Variants in ACOX3 observed in about 807,000 individuals in gnomAD.
The protein encoded by ACOX3 is acyl-CoA oxidase 3, pristanoyl.
Under a neutral mutation model 81.5 loss-of-function variants are expected in ACOX3, and 73 were observed. That is an observed-to-expected ratio of 0.90 (90% confidence interval 0.74 to 1.09). The LOEUF (loss-of-function observed/expected upper bound fraction) is 1.09. Among genes scored for constraint, ACOX3 ranks in the 50% least tolerant of loss-of-function variants. The probability of loss-of-function intolerance (pLI) is 0.00; values close to 1 mark genes in which losing one functional copy is unlikely to be tolerated. For missense variants in ACOX3, 947 were observed against 928.0 expected, an observed-to-expected ratio of 1.02 and a Z score of -0.27; for synonymous variants, 387 against 375.1, an observed-to-expected ratio of 1.03 and a Z score of -0.37.
Position 8,400,236 on chromosome 4 carries a change from G to C in ACOX3, c.777-584C>G, listed in dbSNP as rs1256723801. ...ACTGCACTCCAGCCTTGGTGACAGA[G>C]CAAGACTCCACCTCAATAATAATAA... On this transcript the variant is annotated intron_variant, in intron 7 of 17. Transcript: ENST00000356406. The surrounding 1 kb of genome is among the most constrained non-coding windows in gnomAD (Gnocchi z 4.4). Among the ~76,000 whole-genome samples the C allele has an allele frequency of 7.0e-6, 1 of 142,164 alleles. No individual in the cohort carries two copies. Among genetic ancestry groups the C allele is most frequent in the African/African-American group, 2.7e-5 (1 of 36,658 alleles). The allele number at this position is 142,164 out of a possible 152,430, so 93.3% of individuals were successfully genotyped here. A position where few individuals can be genotyped will look rare whatever the true frequency, so the allele number is the denominator to read the frequency against.
In ACOX3 at chr4:8,382,908, C is replaced by T. The variant is rs1190521433; in HGVS notation, c.1538-1301G>A. 4.1e-5 allele frequency among the ~76,000 whole-genome samples: 6 copies of T among 147,576 alleles called. No individual in the cohort carries two copies. Among genetic ancestry groups the T allele is most frequent in the South Asian group, 2.2e-4 (1 of 4,630 alleles). On this transcript the variant is annotated intron_variant, in intron 13 of 17. Coordinates refer to ENST00000356406, the MANE Select transcript of ACOX3 (RefSeq NM_003501.3). The surrounding 1 kb of genome is among the most constrained non-coding windows in gnomAD (Gnocchi z 4.1). The stretch of plus-strand genomic sequence containing the variant: ...TCGGGAGGCTGAGGCAGGAGAATGG[C>T]GTGAACCCGGGAGGCGGAGTTGCAG...
chr4:8,374,823 T>G, intron 15 of ACOX3, 155 bp downstream of exon 15: 1 of 802,344 alleles, frequency 1.2e-6, no homozygotes, highest in Non-Finnish European at 1.8e-6. Context: ...ATGCTTCTCA[T>G]TATGGAACTG....
chr4:8,395,940 T>C (rs1213673405), intron 9 of ACOX3, among the ~76,000 whole-genome samples: 1 of 152,246 alleles, frequency 6.6e-6, no homozygotes, highest in Non-Finnish European at 1.5e-5. Context: ...CTGTGCACTT[T>C]AACTGGATTT....
chr4:8,397,161 C>A, intron 8 of ACOX3, 42 bp from the exon 9 acceptor site: 3 of 1,497,568 alleles, frequency 2.0e-6, no homozygotes, highest in Non-Finnish European at 1.8e-6. Context: ...CCCGGCTGCG[C>A]GGCCACCTTG....
In ACOX3 at chr4:8,386,565, CAAAA is replaced by C. The variant is rs567670556; in HGVS notation, c.1537+2604_1537+2607del. ...TGGGCGACAGAGCGAGACTCCGTCT[CAAAA>C]AAAAAAAAAAAAAGAAAGTGACTTG... On this transcript the variant is annotated intron_variant, in intron 13 of 17. Coordinates refer to ENST00000356406, the MANE Select transcript of ACOX3 (RefSeq NM_003501.3). The surrounding 1 kb of genome is among the most constrained non-coding windows in gnomAD (Gnocchi z 5.2). 3.1e-5 allele frequency among the ~76,000 whole-genome samples: 2 copies of C among 64,462 alleles called. No individual in the cohort carries two copies. The highest frequency in any genetic ancestry group is 6.6e-5 in the Non-Finnish European group (2 of 30,428). 42.3% of individuals were successfully genotyped at this position (64,462 alleles called of 152,430 possible).
At position 8,396,992 on chromosome 4, in the gene ACOX3, C is replaced by T. The variant is rs148373900; in HGVS notation, c.1001G>A (p.Arg334His). Residue 334 changes from arginine (R) to histidine (H), a missense_variant, in exon 9 of 18, where the codon CGT (arginine) becomes CAT (histidine). By Grantham distance (29) the Arg-to-His change is conservative. Coordinates refer to ENST00000356406, the MANE Select transcript of ACOX3 (RefSeq NM_003501.3). ...AIALRFSATR[R>H]QFGPTEEEEI... is the part of the protein sequence containing the mutation. Reference sequence around the variant, plus strand: ...CTCCTCCTCTGTGGGTCCAAACTGACGCCGAGTGGCTGAGAAGCGAAGAGC... The same window carrying T: ...CTCCTCCTCTGTGGGTCCAAACTGATGCCGAGTGGCTGAGAAGCGAAGAGC... 168 of 1,611,786 alleles carry T rather than the reference C, an allele frequency of 1.0e-4. No individual in the cohort carries two copies. The Middle Eastern group carries it at 1.3e-3, about 13-fold the overall frequency.
chr4:8,393,569 A>ATTTAAAAAATTTTTTAAATTT lies in ACOX3; in HGVS notation c.1179+1050_1179+1051insAAATTTAAAAAATTTTTTAAA, dbSNP rs1296594892. 1.7e-5 allele frequency among the ~76,000 whole-genome samples: 2 copies of ATTTAAAAAATTTTTTAAATTT among 120,776 alleles called. 1 individual carries two copies. The highest frequency in any genetic ancestry group is 1.5e-4 in the Admixed American group (2 of 13,046). The allele number at this position is 120,776 out of a possible 152,430, so 79.2% of individuals were successfully genotyped here. A position where few individuals can be genotyped will look rare whatever the true frequency, so the allele number is the denominator to read the frequency against. ...AGAAGAATTTTTAATTTTAAAAAAG[A>ATTTAAAAAATTTTTTAAATTT]AAGACAATTAAAAAGGAAAAACAAT... On this transcript the variant is annotated intron_variant, in intron 10 of 17. Coordinates refer to ENST00000356406, the MANE Select transcript of ACOX3 (RefSeq NM_003501.3).
chr4:8,433,316 T>C (rs1182601369), intron 1 of ACOX3, among the ~76,000 whole-genome samples: 1 of 152,214 alleles, frequency 6.6e-6, no homozygotes, highest in Non-Finnish European at 1.5e-5. Flanking sequence ...GTTGCCCTTA[T>C]TAGAAGAAGA....
intron 1 of ACOX3, among the ~76,000 whole-genome samples, chr4:8,434,586 T>A (rs182920831): frequency 1.3e-5 from 2 of 152,350 alleles, no homozygotes; most frequent in Admixed American, 1.3e-4. Context: ...CCGTGGAGGA[T>A]CAACGCAGTG....
downstream of ACOX3, among the ~76,000 whole-genome samples, chr4:8,364,998 C>T (rs916358372): frequency 3.3e-5 from 5 of 152,086 alleles, no homozygotes; most frequent in Non-Finnish European, 5.9e-5. This position sits in a 1 kb window ranked among gnomAD's most constrained non-coding sequence, Gnocchi z 5.0. Flanking sequence ...TGTTCCTTCT[C>T]GCTTAGAAAA....
intron 1 of ACOX3, among the ~76,000 whole-genome samples, chr4:8,434,552 G>A (rs974096815): frequency 1.3e-5 from 2 of 152,242 alleles, no homozygotes; most frequent in African/African-American, 2.4e-5. Flanking sequence ...GGAATGCCTC[G>A]TCAGAGTGGT....
downstream of ACOX3, among the ~76,000 whole-genome samples, chr4:8,365,703 CTAAT>C (rs1418046740): frequency 6.6e-6 from 1 of 152,148 alleles, no homozygotes; most frequent in Admixed American, 6.5e-5. Context: ...AAAGAAGTCA[CTAAT>C]TACCCCTCAG....
intron 10 of ACOX3, among the ~76,000 whole-genome samples, chr4:8,393,842 C>G (rs1352905337): frequency 6.6e-6 from 1 of 152,198 alleles, no homozygotes; most frequent in Non-Finnish European, 1.5e-5. Context: ...TCCACTGACT[C>G]ACGCTCCAGG....
intron 1 of ACOX3, among the ~76,000 whole-genome samples, chr4:8,417,348 C>T (rs908405732): frequency 6.6e-5 from 10 of 152,236 alleles, no homozygotes; most frequent in South Asian, 6.2e-4. Flanking sequence ...TGAGTCTGGC[C>T]GCTCAGGATG....
intron 1 of ACOX3, chr4:8,436,140 C>T (rs548272584): frequency 1.3e-5 from 2 of 152,322 alleles, no homozygotes; most frequent in South Asian, 4.1e-4. Context: ...ACTGGAAACA[C>T]CCTGAACCCG....
At position 8,384,852 on chromosome 4, in the gene ACOX3, G is replaced by A. The variant is rs1026874134; in HGVS notation, c.1538-3245C>T. ...CACAGGCCCGGGTCTGACCATGCCC[G>A]CCGCTCTGGTGCTCCTGAATGGCCG... On this transcript the variant is annotated intron_variant, in intron 13 of 17. Coordinates refer to ENST00000356406, the MANE Select transcript of ACOX3 (RefSeq NM_003501.3). This position sits in a 1 kb window ranked among gnomAD's most constrained non-coding sequence, Gnocchi z 5.3. 4.9e-4 allele frequency among the ~76,000 whole-genome samples: 75 copies of A among 152,288 alleles called. No individual in the cohort carries two copies. Among genetic ancestry groups the A allele is most frequent in the African/African-American group, 1.5e-3 (62 of 41,554 alleles).
Position 8,399,737 on chromosome 4 carries a change from G to A in ACOX3, c.777-85C>T. 7 of 1,232,622 alleles carry A rather than the reference G, an allele frequency of 5.7e-6. No homozygotes were observed. Among genetic ancestry groups the A allele is most frequent in the Non-Finnish European group, 7.1e-6 (6 of 847,566 alleles). The allele number at this position is 1,232,622 out of a possible 1,614,324, so 76.4% of individuals were successfully genotyped here. Reference sequence around the variant, plus strand: ...CTCCAAGGGCAGCCTAAAAGCTGATGCAATCCCCGAGGACAAAGAAAATGG... The same window carrying A: ...CTCCAAGGGCAGCCTAAAAGCTGATACAATCCCCGAGGACAAAGAAAATGG... On this transcript the variant is annotated intron_variant, in intron 7 of 17. Transcript: ENST00000356406. This position sits in a 1 kb window ranked among gnomAD's most constrained non-coding sequence, Gnocchi z 4.9.
In ACOX3 at chr4:8,405,576, G is replaced by A. The variant is rs1055478051; in HGVS notation, c.776+379C>T. Among the ~76,000 whole-genome samples, 1 of 152,240 alleles carries A rather than the reference G, an allele frequency of 6.6e-6. No homozygotes were observed. Among genetic ancestry groups the A allele is most frequent in the Non-Finnish European group, 1.5e-5 (1 of 68,050 alleles). On this transcript the variant is annotated intron_variant, in intron 7 of 17. Transcript: ENST00000356406. The surrounding 1 kb of genome is among the most constrained non-coding windows in gnomAD (Gnocchi z 7.1). The stretch of plus-strand genomic sequence containing the variant: ...CAGAAACTGCAGATATGGGTCCCTC[G>A]AGATCAGCATGGATGTGTGCAGAGG...
chr4:8,376,613 G>A (rs1352238279), intron 14 of ACOX3, among the ~76,000 whole-genome samples: 2 of 152,140 alleles, frequency 1.3e-5, no homozygotes, highest in African/African-American at 4.8e-5. Flanking sequence ...AGGCTGACTG[G>A]TCCTGTCCCA....
Sources: allele counts gnomAD v4.1 joint callset (sites outside exome capture counted in the v4.1 genomes callset), GRCh38; gene constraint gnomAD v4.1.1; non-coding constraint Gnocchi (gnomAD v3.1); transcripts MANE v1.5; gene names NCBI Gene and HGNC (gene_info 2026-07-23, HGNC 2026-07-21).